Variants in TOX2 observed in about 807,000 individuals in gnomAD.
TOX2 encodes the protein granulosa cell HMG box 1.
TOX2 carries 15 observed loss-of-function variants against 47.4 expected under a neutral mutation model. That is an observed-to-expected ratio of 0.32 (90% CI 0.21 to 0.49). The LOEUF (loss-of-function observed/expected upper bound fraction) is 0.49. Among genes scored for constraint, TOX2 ranks in the 20% least tolerant of loss-of-function variants. TOX2 has a pLI of 0.99. For missense variants in TOX2, 622 were observed against 673.1 expected, an observed-to-expected ratio of 0.92 and a Z score of 0.84; for synonymous variants, 290 against 296.6, an observed-to-expected ratio of 0.98 and a Z score of 0.23.
chr20:43,919,990 C>T (rs961571466), intron 1 of TOX2, among the ~76,000 whole-genome samples: 4 of 152,186 alleles, frequency 2.6e-5, no homozygotes, highest in Non-Finnish European at 4.4e-5. Flanking sequence ...TTCTTGGGCT[C>T]CACCCCCAGA....
rs574118898 is a variant in TOX2 at position 43,918,825 on chromosome 20, G to T, written c.99+3835G>T. Among the ~76,000 whole-genome samples, 3 of 152,134 alleles carry T rather than the reference G, an allele frequency of 2.0e-5. No homozygotes were observed. The South Asian group carries it at 6.2e-4, about 32-fold the overall frequency. ...TTCTTATACAAGTCTTTTTGTGGGC[G>T]GGGAAAATCATTTAATATCTCTGAG... On this transcript the variant is annotated intron_variant, in intron 1 of 8. Transcript: ENST00000341197.
At chr20:43,972,994 C>T (rs2070003351) in intron 1 of TOX2, among the ~76,000 whole-genome samples, 1 of 152,252 alleles carries the variant, frequency 6.6e-6, no homozygotes, top group Non-Finnish European at 1.5e-5. Context: ...CCAGCTCTAG[C>T]TGATCACCTG....
chr20:44,007,356 G>A (rs530787438), intron 3 of TOX2: 1 of 153,300 alleles, frequency 6.5e-6, no homozygotes, highest in South Asian at 2.1e-4. Flanking sequence ...AAATCAGTTG[G>A]CTGCACTAGC....
intron 1 of TOX2, among the ~76,000 whole-genome samples, chr20:43,929,220 T>C (rs138808399): frequency 3.3e-5 from 5 of 152,270 alleles, no homozygotes; most frequent in African/African-American, 1.2e-4. Context: ...AGCTGCTCAA[T>C]GGCTTTCTGT....
intron 1 of TOX2, among the ~76,000 whole-genome samples, chr20:43,933,407 A>T (rs983781789): frequency 6.6e-6 from 1 of 152,210 alleles, no homozygotes; most frequent in African/African-American, 2.4e-5. Flanking sequence ...CCTGAATCAC[A>T]TGAGGGTCTT....
intron 3 of TOX2, among the ~76,000 whole-genome samples, chr20:44,038,584 G>GA (rs555972507): frequency 2.6e-5 from 4 of 151,252 alleles, no homozygotes; most frequent in African/African-American, 4.9e-5. Flanking sequence ...AATTGTGGGG[G>GA]AAAAAAATTC....
chr20:43,948,626 C>A (rs1466269530), intron 1 of TOX2, among the ~76,000 whole-genome samples: 2 of 151,960 alleles, frequency 1.3e-5, no homozygotes, highest in African/African-American at 4.8e-5. Flanking sequence ...AGGCCCCGGG[C>A]CTGCTGGGGC....
chr20:43,965,480 C>T (rs111558260), intron 1 of TOX2, among the ~76,000 whole-genome samples: 3,229 of 152,290 alleles, frequency 0.021, 123 homozygotes, highest in African/African-American at 0.073. Context: ...AGCACACTCC[C>T]TGTCACATAG....
At chr20:43,998,454 T>C (rs1022784089) in intron 2 of TOX2, among the ~76,000 whole-genome samples, 1 of 152,178 alleles carries the variant, frequency 6.6e-6, no homozygotes, top group Non-Finnish European at 1.5e-5. Context: ...ATCAAAAGAG[T>C]GAATTGCGTC....
Position 43,916,106 on chromosome 20 carries a change from T to G in TOX2, c.99+1116T>G, listed in dbSNP as rs949053687. On this transcript the variant is annotated intron_variant, in intron 1 of 8. Coordinates refer to ENST00000341197, the MANE Select transcript of TOX2 (RefSeq NM_001098797.2). This position sits in a 1 kb window ranked among gnomAD's most constrained non-coding sequence, Gnocchi z 5.0. ...GTCGGTGCGTCGGTCCCGGGCCGGC[T>G]GGAGCCAAGCGCGGGTTTTCGTCAC... The G allele has an allele frequency of 9.1e-6, 9 of 985,178 alleles. No homozygotes were observed. The highest frequency in any genetic ancestry group is 5.2e-4 in the Middle Eastern group (1 of 1,936). The allele number at this position is 985,178 out of a possible 1,614,324, so 61.0% of individuals were successfully genotyped here.
intron 5 of TOX2, 109 bp from the exon 6 acceptor site, chr20:44,064,668 C>A: frequency 9.5e-7 from 1 of 1,048,480 alleles, no homozygotes; most frequent in Non-Finnish European, 1.4e-6. Context: ...GACCCCACCA[C>A]CCTCGTCCAT....
At chr20:44,014,984 A>G (rs915493589) in intron 3 of TOX2, among the ~76,000 whole-genome samples, 3 of 152,174 alleles carry the variant, frequency 2.0e-5, no homozygotes, top group Non-Finnish European at 2.9e-5. Flanking sequence ...GCGGGGGCCC[A>G]AGACGCAATG....
At chr20:44,022,745 C>T (rs2070995816) in intron 3 of TOX2, among the ~76,000 whole-genome samples, 1 of 152,314 alleles carries the variant, frequency 6.6e-6, no homozygotes, top group Non-Finnish European at 1.5e-5. Flanking sequence ...CTCCCCTATA[C>T]TTACCTCTGT....
chr20:44,066,751 T>A lies in TOX2; in HGVS notation c.1378T>A (p.Phe460Ile). 6.2e-7 allele frequency: 1 copy of A among 1,614,042 alleles called. No homozygotes were observed. Among genetic ancestry groups the A allele is most frequent in the Non-Finnish European group, 8.5e-7 (1 of 1,179,958 alleles). The stretch of plus-strand genomic sequence containing the variant: ...GTAGGACTTCCCGCACATCTCTGAG[T>A]TCCCCAGCAGCTCGGGATCCTGCTC... ...GPQDFPHISEFPSSSGSCSPG... is the reference protein window; with the variant it reads ...GPQDFPHISEIPSSSGSCSPG... Residue 460 changes from phenylalanine (F) to isoleucine (I), a missense_variant, in exon 8 of 9, where the codon TTC (phenylalanine) becomes ATC (isoleucine). Physicochemically the swap from Phe to Ile is conservative, Grantham distance 21 (BLOSUM62 0). Around this residue, in one of 3 missense-constraint regions of TOX2, gnomAD observed 294 missense variants for 300.0 expected, o/e 0.98. Coordinates refer to ENST00000341197, the MANE Select transcript of TOX2 (RefSeq NM_001098797.2).
chr20:43,963,956 T>G (rs1013555059), intron 1 of TOX2, among the ~76,000 whole-genome samples: 3 of 152,126 alleles, frequency 2.0e-5, no homozygotes, highest in African/African-American at 7.2e-5. Flanking sequence ...GATTCAATAA[T>G]AAAATAAGAA....
At chr20:43,947,090 G>A (rs1382770138) in intron 1 of TOX2, among the ~76,000 whole-genome samples, 1 of 152,170 alleles carries the variant, frequency 6.6e-6, no homozygotes, top group Non-Finnish European at 1.5e-5. Context: ...GGAGGCAGTG[G>A]GCCCAGGTCT....
intron 3 of TOX2, among the ~76,000 whole-genome samples, chr20:44,015,867 A>G (rs191822944): frequency 6.6e-6 from 1 of 152,248 alleles, no homozygotes; most frequent in East Asian, 1.9e-4. Context: ...TTAGTTTAAA[A>G]ATGGTTTTTG....
At chr20:43,937,214 A>T (rs1326777562) in intron 1 of TOX2, among the ~76,000 whole-genome samples, 1 of 152,132 alleles carries the variant, frequency 6.6e-6, no homozygotes, top group African/African-American at 2.4e-5. Context: ...CTGTGGAAGG[A>T]GGGGCCTGGC....
chr20:43,935,351 C>T (rs1197175705), intron 1 of TOX2, among the ~76,000 whole-genome samples: 4 of 152,102 alleles, frequency 2.6e-5, no homozygotes, highest in South Asian at 2.1e-4. Flanking sequence ...GAACCTGGCA[C>T]GATATGCTGA....
Sources: gnomAD v4.1 joint callset for allele counts (sites outside exome capture counted in the v4.1 genomes callset) on GRCh38, gnomAD v4.1.1 for gene constraint, gnomAD v4.1.1 regional missense constraint, Gnocchi (gnomAD v3.1) non-coding constraint, MANE v1.5 for transcripts, NCBI Gene and HGNC (gene_info 2026-07-23, HGNC 2026-07-21) for gene names.